NRG1: variants seen among roughly 807,000 people sequenced by gnomAD.
The protein encoded by NRG1 is pro-neuregulin-1, membrane-bound isoform.
In NRG1, 18 loss-of-function variants were observed where a neutral mutation model predicts 63.8. The observed-to-expected ratio is 0.28, with a 90% CI of 0.19 to 0.42. The LOEUF is 0.42. NRG1 is among the 10% of genes least tolerant of loss of function. The pLI is 1.00. For missense variants in NRG1, 762 were observed against 814.7 expected, an observed-to-expected ratio of 0.94 and a Z score of 0.79; for synonymous variants, 302 against 301.3, an observed-to-expected ratio of 1.00 and a Z score of -0.02.
At chr8:31,930,827 T>C (rs969066628) in intron 1 of NRG1, among the ~76,000 whole-genome samples, 4 of 152,214 alleles carry the variant, frequency 2.6e-5, no homozygotes, top group African/African-American at 4.8e-5. Context: ...CTGCACTATA[T>C]GAATGAAGAA....
intron 1 of NRG1, among the ~76,000 whole-genome samples, chr8:32,386,258 C>A (rs1194349374): frequency 6.6e-6 from 1 of 152,214 alleles, no homozygotes; most frequent in Non-Finnish European, 1.5e-5. Flanking sequence ...TGTGCCACCA[C>A]ATCTGGCCCT....
intron 1 of NRG1, among the ~76,000 whole-genome samples, chr8:31,713,138 A>T (rs1357229035): frequency 9.1e-6 from 1 of 109,356 alleles, no homozygotes; most frequent in Non-Finnish European, 1.8e-5. Context: ...TTTTTTTGAG[A>T]CGGAGTCTCG....
At chr8:32,424,479 G>A (rs768615011) in intron 1 of NRG1, among the ~76,000 whole-genome samples, 5 of 152,134 alleles carry the variant, frequency 3.3e-5, no homozygotes, top group Admixed American at 3.3e-4. Flanking sequence ...AATGAAGAAC[G>A]AAATGAGGCC....
intron 7 of NRG1, among the ~76,000 whole-genome samples, chr8:32,752,403 T>G (rs146614728): frequency 6.4e-4 from 98 of 152,334 alleles, no homozygotes; most frequent in African/African-American, 2.2e-3. Flanking sequence ...TGTCCTCATC[T>G]GACTTTTGCT....
chr8:31,808,491 G>T lies in NRG1; in HGVS notation c.37+169060G>T, dbSNP rs1822519130. Among the ~76,000 whole-genome samples the T allele has an allele frequency of 2.0e-5, 3 of 151,702 alleles. No homozygotes were observed. In the South Asian group the frequency reaches 6.2e-4, roughly 32 times the overall value. On this transcript the variant is annotated intron_variant, in intron 1 of 10. Transcript: ENST00000519301. ...TATCTCTTCATTTTTGAATTATTTT[G>T]CTTTTTAATACATCTTTTCTCCATT...
At chr8:31,936,319 T>G (rs1835295464) in intron 1 of NRG1, among the ~76,000 whole-genome samples, 2 of 152,220 alleles carry the variant, frequency 1.3e-5, no homozygotes, top group African/African-American at 2.4e-5. Flanking sequence ...TTTCATAAGT[T>G]TTTTGTTGTA....
At chr8:31,878,781 T>C (rs1305365244) in intron 1 of NRG1, among the ~76,000 whole-genome samples, 1 of 152,200 alleles carries the variant, frequency 6.6e-6, no homozygotes, top group Non-Finnish European at 1.5e-5. Context: ...TGTTGCTGTC[T>C]GCTGGATAAA....
chr8:32,455,852 A>G (rs1002297930), intron 1 of NRG1, among the ~76,000 whole-genome samples: 3 of 152,204 alleles, frequency 2.0e-5, no homozygotes, highest in Non-Finnish European at 2.9e-5. Flanking sequence ...CAGTGGAATG[A>G]TCTCAGCTCA....
intron 1 of NRG1, among the ~76,000 whole-genome samples, chr8:32,033,594 T>C (rs1818605457): frequency 6.6e-6 from 1 of 152,228 alleles, no homozygotes; most frequent in South Asian, 2.1e-4. Context: ...GGAATGTTTT[T>C]CCATTTGTTT....
At chr8:32,370,857 C>CAA (rs570354347) in intron 1 of NRG1, among the ~76,000 whole-genome samples, 830 of 51,962 alleles carry the variant, frequency 0.016, 113 homozygotes, top group Middle Eastern at 0.034. Flanking sequence ...GACTCTGTCT[C>CAA]AAAAAAAAAA....
At chr8:31,730,909 G>A (rs1813972292) in intron 1 of NRG1, among the ~76,000 whole-genome samples, 1 of 152,078 alleles carries the variant, frequency 6.6e-6, no homozygotes, top group Non-Finnish European at 1.5e-5. Context: ...GATTTTTAAA[G>A]AATGTCAAGA....
At chr8:32,372,155 AT>A (rs1808974599) in intron 1 of NRG1, among the ~76,000 whole-genome samples, 1 of 151,738 alleles carries the variant, frequency 6.6e-6, no homozygotes, top group African/African-American at 2.4e-5. Flanking sequence ...TGCCAGGCTA[AT>A]TTTTGTATTT....
rs1803577583 is a variant in NRG1 at position 31,640,002 on chromosome 8, C to T, written c.37+571C>T. 6 of 1,126,648 alleles carry T rather than the reference C, an allele frequency of 5.3e-6. No individual in the cohort carries two copies. The highest frequency in any genetic ancestry group is 5.0e-5 in the African/African-American group (3 of 60,482). 69.8% of individuals were successfully genotyped at this position (1,126,648 alleles called of 1,614,324 possible). On this transcript the variant is annotated intron_variant, in intron 1 of 10. Transcript: ENST00000519301. This position sits in a 1 kb window ranked among gnomAD's most constrained non-coding sequence, Gnocchi z 6.3. ...CTCGCACCATGAGATGGCGACGCGCCCCGCGCCGCTCCGGGCGTCCCGGCC... is the reference window on the plus strand; with the variant it reads ...CTCGCACCATGAGATGGCGACGCGCTCCGCGCCGCTCCGGGCGTCCCGGCC...
At chr8:31,979,036 C>T (rs952845331) in intron 1 of NRG1, among the ~76,000 whole-genome samples, 3 of 152,144 alleles carry the variant, frequency 2.0e-5, no homozygotes, top group African/African-American at 7.2e-5. Context: ...ACTCATTAGC[C>T]TGATATTCAA....
chr8:32,437,512 T>A (rs1006515221), intron 1 of NRG1, among the ~76,000 whole-genome samples: 6 of 152,208 alleles, frequency 3.9e-5, no homozygotes, highest in Admixed American at 6.5e-5. Context: ...GAAATGCTTG[T>A]TGATGGGCAA....
intron 1 of NRG1, among the ~76,000 whole-genome samples, chr8:31,750,865 C>T (rs377544170): frequency 1.3e-5 from 2 of 151,866 alleles, no homozygotes; most frequent in South Asian, 2.1e-4. Context: ...TGGTTCCCAG[C>T]GTGCTTATAT....
intron 1 of NRG1, among the ~76,000 whole-genome samples, chr8:32,111,831 A>G (rs1386439746): frequency 1.3e-5 from 2 of 152,160 alleles, no homozygotes; most frequent in African/African-American, 4.8e-5. Flanking sequence ...CTATCCAGGC[A>G]TGCCTCCAGA....
At chr8:31,733,148 G>GT (rs10673288) in intron 1 of NRG1, among the ~76,000 whole-genome samples, 42,586 of 143,882 alleles carry the variant, frequency 0.3, 6,674 homozygotes, top group Non-Finnish European at 0.36. Flanking sequence ...ACTTTATTCT[G>GT]TTTTTTTTTT....
rs16879620 is a variant in NRG1, at chr8:32,625,284, C to T, written c.502+8399C>T. 6.8e-3 allele frequency among the ~76,000 whole-genome samples: 1,034 copies of T among 152,290 alleles called. 12 individuals carry two copies. Among genetic ancestry groups the T allele is most frequent in the African/African-American group, 0.023 (963 of 41,542 alleles). ...TCTTAGTCTACCAAAGGTCAGCAAA[C>T]TCTCAAAAACCAATTAATTGGGTCA... On this transcript the variant is annotated intron_variant, in intron 5 of 11. Coordinates refer to ENST00000356819, the Ensembl canonical transcript of NRG1.
Sources: allele counts gnomAD v4.1 joint callset (sites outside exome capture counted in the v4.1 genomes callset), GRCh38; gene constraint gnomAD v4.1.1; non-coding constraint Gnocchi (gnomAD v3.1); transcripts MANE v1.5; gene names NCBI Gene and HGNC (gene_info 2026-07-23, HGNC 2026-07-21).